The following TLR4 variants were observed in gnomAD, a reference collection of about 807,000 sequenced individuals.
TLR4 encodes the protein toll-like receptor 4.
A neutral mutation model predicts 27.4 loss-of-function variants in TLR4; 17 were observed. The ratio of observed to expected loss-of-function variants is 0.62; its 90% CI spans 0.42 to 0.93. The LOEUF is 0.93. TLR4 is among the 40% of genes least tolerant of loss of function. The pLI, the probability that TLR4 is intolerant of heterozygous loss-of-function variation, is 0.00. For missense variants in TLR4, 926 were observed against 962.3 expected (o/e 0.96, Z 0.50); for synonymous variants, 363 against 365.7 (o/e 0.99, Z 0.08).
At position 117,713,357 on chromosome 9, in the gene TLR4, G is replaced by T. The variant is rs1206164929; in HGVS notation, c.1229G>T (p.Gly410Val). Residue 410 changes from glycine (G) to valine (V), a missense_variant, in exon 3 of 3, where the codon GGT (glycine) becomes GTT (valine). Coordinates refer to ENST00000355622, the MANE Select transcript of TLR4 (RefSeq NM_138554.5). ...AAGTATTTAGATCTGAGCTTCAATG[G>T]TGTTATTACCATGAGTTCAAACTTC... Reference protein sequence around the residue: ...SLKYLDLSFNGVITMSSNFLG... With the variant: ...SLKYLDLSFNVVITMSSNFLG... The T allele has an allele frequency of 6.2e-7, 1 of 1,614,038 alleles. No individual in the cohort carries two copies. The highest frequency in any genetic ancestry group is 2.2e-5 in the East Asian group (1 of 44,854).
In TLR4 at chr9:117,714,117, C is replaced by T; in HGVS notation, c.1989C>T (p.Gly663=). The T allele has an allele frequency of 1.9e-6, 3 of 1,614,086 alleles. No homozygotes were observed. In the Admixed American group the frequency reaches 5.0e-5, roughly 27 times the overall value. ...ATTTTCACCTGATGCTTCTTGCTGG[C>T]TGCATAAAGTATGGTAGAGGTGAAA... ...KFYFHLMLLA[G]CIKYGRGENI... is the part of the protein sequence containing the mutation. Residue 663 remains glycine (G), a synonymous_variant, in exon 3 of 3, where the codon GGC becomes GGT. Transcript: ENST00000355622.
At position 117,713,428 on chromosome 9, in the gene TLR4, T is replaced by G. The variant is rs1214613415; in HGVS notation, c.1300T>G (p.Leu434Val). The change falls in exon 3 of 3, where the codon TTG becomes GTG. Residue 434 changes from leucine to valine, a missense_variant. Coordinates refer to ENST00000355622, the MANE Select transcript of TLR4 (RefSeq NM_138554.5). The part of the protein sequence containing the change: ...LEHLDFQHSN[L>V]KQMSEFSVFL... ...ACATCTGGATTTCCAGCATTCCAAT[T>G]TGAAACAAATGAGTGAGTTTTCAGT... The G allele has an allele frequency of 1.9e-6, 3 of 1,613,932 alleles. No individual in the cohort carries two copies. The highest frequency in any genetic ancestry group is 2.7e-5 in the African/African-American group (2 of 74,938).
rs1829422932 is a variant in TLR4, at chr9:117,721,538, C to A, written c.*6890C>A. ...CATATATGAAGATGACAAAGTTGAGCAGGTCCCAAACTCTCACTTTTAAAC... is the reference window on the plus strand; with the variant it reads ...CATATATGAAGATGACAAAGTTGAGAAGGTCCCAAACTCTCACTTTTAAAC... On this transcript the variant is annotated 3_prime_UTR_variant, in exon 3 of 3. Coordinates refer to ENST00000355622, the MANE Select transcript of TLR4 (RefSeq NM_138554.5). 6.6e-6 allele frequency: 1 copy of A among 152,202 alleles called. No homozygotes were observed. The highest frequency in any genetic ancestry group is 2.4e-5 in the African/African-American group (1 of 41,458). The allele number at this position is 152,202 out of a possible 1,614,324, so 9.4% of individuals were successfully genotyped here. A position where few individuals can be genotyped will look rare whatever the true frequency, so the allele number is the denominator to read the frequency against.
In TLR4 at chr9:117,713,439, G is replaced by C; in HGVS notation, c.1311G>C (p.Met437Ile). The C allele has an allele frequency of 6.2e-7, 1 of 1,614,034 alleles. No individual in the cohort carries two copies. The highest frequency in any genetic ancestry group is 8.5e-7 in the Non-Finnish European group (1 of 1,179,972). The change falls in exon 3 of 3, where the codon ATG becomes ATC. Residue 437 changes from methionine to isoleucine, a missense_variant. Coordinates refer to ENST00000355622, the MANE Select transcript of TLR4 (RefSeq NM_138554.5). ...TCCAGCATTCCAATTTGAAACAAAT[G>C]AGTGAGTTTTCAGTATTCCTATCAC... The part of the protein sequence containing the change: ...LDFQHSNLKQ[M>I]SEFSVFLSLR...
intron 1 of TLR4, among the ~76,000 whole-genome samples, chr9:117,704,856 G>T (rs1333032774): frequency 1.3e-5 from 2 of 152,116 alleles, no homozygotes; most frequent in African/African-American, 4.8e-5. Context: ...TATCAAACCT[G>T]TCTGAGACTA....
Position 117,723,157 on chromosome 9 carries a change from A to G in TLR4, c.*8509A>G, listed in dbSNP as rs1426428250. 6.6e-6 allele frequency: 1 copy of G among 152,220 alleles called. No individual in the cohort carries two copies. The highest frequency in any genetic ancestry group is 1.5e-5 in the Non-Finnish European group (1 of 68,046). The allele number at this position is 152,220 out of a possible 1,614,324, so 9.4% of individuals were successfully genotyped here. A position where few individuals can be genotyped will look rare whatever the true frequency, so the allele number is the denominator to read the frequency against. ...ATTGTGGCAATTGGAGTAAATGTCC[A>G]TTCCAGGAATTCTATTCTATGATTA... On this transcript the variant is annotated 3_prime_UTR_variant, in exon 3 of 3. Coordinates refer to ENST00000355622, the MANE Select transcript of TLR4 (RefSeq NM_138554.5).
chr9:117,705,730 G>A (rs77841689), intron 1 of TLR4, among the ~76,000 whole-genome samples: 4,318 of 152,026 alleles, frequency 0.028, 87 homozygotes, highest in Non-Finnish European at 0.044. Flanking sequence ...CATTCTGCAC[G>A]TTCTTGTTTG....
intron 2 of TLR4, among the ~76,000 whole-genome samples, chr9:117,710,353 A>T (rs983585326): frequency 7.9e-5 from 12 of 151,678 alleles, no homozygotes; most frequent in African/African-American, 2.7e-4. Context: ...TTTGCTTAGG[A>T]TAATGGCTAC....
Position 117,712,638 on chromosome 9 carries a change from T to C in TLR4, c.510T>C (p.Tyr170=). The change falls in exon 3 of 3, where the codon TAT becomes TAC. Residue 170 remains tyrosine (Y), a synonymous_variant. Coordinates refer to ENST00000355622, the MANE Select transcript of TLR4 (RefSeq NM_138554.5). ...TCCAATCTTTCAAATTACCTGAGTA[T>C]TTTTCTAATCTGACCAATCTAGAGC... The part of the protein sequence containing the change: ...NLIQSFKLPE[Y]FSNLTNLEHL... 2 of 1,614,068 alleles carry C rather than the reference T, an allele frequency of 1.2e-6. No individual in the cohort carries two copies. The highest frequency in any genetic ancestry group is 2.7e-5 in the African/African-American group (2 of 75,050).
chr9:117,706,009 CTT>C (rs952626393), intron 1 of TLR4, among the ~76,000 whole-genome samples: 5 of 151,942 alleles, frequency 3.3e-5, no homozygotes, highest in African/African-American at 1.2e-4. Context: ...TTTTATTTAA[CTT>C]AGCGTATTTA....
In TLR4 at chr9:117,721,292, A is replaced by C. The variant is rs1327150119; in HGVS notation, c.*6644A>C. The C allele has an allele frequency of 6.6e-6, 1 of 152,210 alleles. No homozygotes were observed. The highest frequency in any genetic ancestry group is 1.5e-5 in the Non-Finnish European group (1 of 68,048). The allele number at this position is 152,210 out of a possible 1,614,324, so 9.4% of individuals were successfully genotyped here. ...TCATTCTCCATGTCCATGTCTACAA[A>C]TTATTTAGTTTCCACTCATAAGTGA... On this transcript the variant is annotated 3_prime_UTR_variant, in exon 3 of 3. Coordinates refer to ENST00000355622, the MANE Select transcript of TLR4 (RefSeq NM_138554.5).
At position 117,714,892 on chromosome 9, in the gene TLR4, A is replaced by T. The variant is rs201166856; in HGVS notation, c.*244A>T. The T allele has an allele frequency of 1.8e-6, 1 of 552,416 alleles. No homozygotes were observed. Among genetic ancestry groups the T allele is most frequent in the Non-Finnish European group, 3.3e-6 (1 of 307,564 alleles). The allele number at this position is 552,416 out of a possible 1,614,324, so 34.2% of individuals were successfully genotyped here. On this transcript the variant is annotated 3_prime_UTR_variant, in exon 3 of 3. Coordinates refer to ENST00000355622, the MANE Select transcript of TLR4 (RefSeq NM_138554.5). ...AACCAACTCAGTCAAGGAACCCATGACAAAGAAAGTCATTTCAACTCTTAC... is the reference window on the plus strand; with the variant it reads ...AACCAACTCAGTCAAGGAACCCATGTCAAAGAAAGTCATTTCAACTCTTAC...
chr9:117,710,802 C>T (rs1829218777), intron 2 of TLR4, among the ~76,000 whole-genome samples: 1 of 152,170 alleles, frequency 6.6e-6, no homozygotes, highest in East Asian at 1.9e-4. Flanking sequence ...ATTTAAATGA[C>T]TTATATACAT....
chr9:117,704,459 A>G lies in TLR4; in HGVS notation c.-14A>G. On this transcript the variant is annotated 5_prime_UTR_variant, in exon 1 of 3. Coordinates refer to ENST00000355622, the MANE Select transcript of TLR4 (RefSeq NM_138554.5). Reference sequence around the variant, plus strand: ...GCCACTGCTGCTCACAGAAGCAGTGAGGATGATGCCAGGATGATGTCTGCC... The same window carrying G: ...GCCACTGCTGCTCACAGAAGCAGTGGGGATGATGCCAGGATGATGTCTGCC... The G allele has an allele frequency of 6.2e-7, 1 of 1,611,176 alleles. No individual in the cohort carries two copies.
Position 117,713,969 on chromosome 9 carries a change from A to C in TLR4, c.1841A>C (p.Asp614Ala). 6.2e-7 allele frequency: 1 copy of C among 1,614,046 alleles called. No individual in the cohort carries two copies. The highest frequency in any genetic ancestry group is 2.2e-5 in the East Asian group (1 of 44,844). ...CGAATGGAATGTGCAACACCTTCAG[A>C]TAAGCAGGGCATGCCTGTGCTGAGT... ...VERMECATPSDKQGMPVLSLN... is the reference protein window; with the variant it reads ...VERMECATPSAKQGMPVLSLN... The change falls in exon 3 of 3, where the codon GAT becomes GCT. Residue 614 changes from aspartate (D) to alanine (A), a missense_variant. By Grantham distance (126) the Asp-to-Ala change is moderately radical (BLOSUM62 -2). Transcript: ENST00000355622.
chr9:117,713,143 A>C lies in TLR4; in HGVS notation c.1015A>C (p.Asn339His), dbSNP rs1297031365. ...NFGWQHLELV[N>H]CKFGQFPTLK... Reference sequence around the variant, plus strand: ...CGGATGGCAACATTTAGAATTAGTTAACTGTAAATTTGGACAGTTTCCCAC... The same window carrying C: ...CGGATGGCAACATTTAGAATTAGTTCACTGTAAATTTGGACAGTTTCCCAC... Residue 339 changes from asparagine (N) to histidine (H), a missense_variant, in exon 3 of 3, where the codon AAC becomes CAC. By Grantham distance (68) the Asn-to-His change is moderately conservative. Coordinates refer to ENST00000355622, the MANE Select transcript of TLR4 (RefSeq NM_138554.5). 1.2e-6 allele frequency: 2 copies of C among 1,613,198 alleles called. No individual in the cohort carries two copies. Among genetic ancestry groups the C allele is most frequent in the African/African-American group, 2.7e-5 (2 of 74,880 alleles).
Position 117,712,840 on chromosome 9 carries a change from G to C in TLR4, c.712G>C (p.Asp238His), listed in dbSNP as rs1464395397. ...LHKLTLRNNF[D>H]SLNVMKTCIQ... ...TAAGCTGACTTTAAGAAATAATTTT[G>C]ATAGTTTAAATGTAATGAAAACTTG... Residue 238 changes from aspartate to histidine, a missense_variant, in exon 3 of 3, where the codon GAT becomes CAT. Coordinates refer to ENST00000355622, the MANE Select transcript of TLR4 (RefSeq NM_138554.5). 1 of 1,613,904 alleles carries C rather than the reference G, an allele frequency of 6.2e-7. No individual in the cohort carries two copies.
At position 117,718,540 on chromosome 9, in the gene TLR4, G is replaced by C. The variant is rs1324834584; in HGVS notation, c.*3892G>C. Reference sequence around the variant, plus strand: ...CACCGAGAATGAGCGTTAATACAGTGCTTTCCATTTTTCTGGTGTTTTGAG... The same window carrying C: ...CACCGAGAATGAGCGTTAATACAGTCCTTTCCATTTTTCTGGTGTTTTGAG... On this transcript the variant is annotated 3_prime_UTR_variant, in exon 3 of 3. Transcript: ENST00000355622. 1 of 151,958 alleles carries C rather than the reference G, an allele frequency of 6.6e-6. No individual in the cohort carries two copies. The highest frequency in any genetic ancestry group is 1.5e-5 in the Non-Finnish European group (1 of 67,982). The allele number at this position is 151,958 out of a possible 1,614,324, so 9.4% of individuals were successfully genotyped here.
At chr9:117,711,478 C>A (rs773219669) in intron 2 of TLR4, among the ~76,000 whole-genome samples, 12 of 152,150 alleles carry the variant, frequency 7.9e-5, no homozygotes, top group African/African-American at 2.7e-4. Context: ...GGATAAAATT[C>A]AAAACCCTTT....
Sources: allele counts gnomAD v4.1 joint callset (sites outside exome capture counted in the v4.1 genomes callset), GRCh38; gene constraint gnomAD v4.1.1; transcripts MANE v1.5; gene names NCBI Gene and HGNC (gene_info 2026-07-23, HGNC 2026-07-21).